PTPRG: variants seen among roughly 807,000 people sequenced by gnomAD.
PTPRG encodes the protein protein tyrosine phosphatase receptor type G, also known as receptor-type tyrosine-protein phosphatase gamma.
In PTPRG, 102 loss-of-function variants were observed where a neutral mutation model predicts 165.3. The observed-to-expected ratio is 0.62, with a 90% CI of 0.53 to 0.73. PTPRG has a LOEUF of 0.73. Among genes scored for constraint, PTPRG ranks in the 30% least tolerant of loss-of-function variants. PTPRG has a pLI of 0.00. For missense variants in PTPRG, 1,866 were observed against 1,861.4 expected (o/e 1.00, Z -0.05); for synonymous variants, 675 against 669.5 (o/e 1.01, Z -0.13).
chr3:61,633,278 C>G (rs1701817854), intron 1 of PTPRG, among the ~76,000 whole-genome samples: 1 of 152,110 alleles, frequency 6.6e-6, no homozygotes, highest in Non-Finnish European at 1.5e-5. Flanking sequence ...ACTGTTTCCC[C>G]CAGCACTTGA....
rs1253562117 is a variant in PTPRG, at chr3:62,273,183, C to A, written c.3318+102C>A. The A allele has an allele frequency of 2.4e-6, 3 of 1,252,426 alleles. No individual in the cohort carries two copies. The highest frequency in any genetic ancestry group is 3.2e-6 in the Non-Finnish European group (3 of 926,426). The allele number at this position is 1,252,426 out of a possible 1,614,324, so 77.6% of individuals were successfully genotyped here. On this transcript the variant is annotated intron_variant, in intron 22 of 29. Transcript: ENST00000474889. The surrounding 1 kb of genome is among the most constrained non-coding windows in gnomAD (Gnocchi z 4.1). Reference sequence around the variant, plus strand: ...GACAGATTCATTCTTTTAGGGCTTGCAGTAATTTACAGGTTTGTATTAGAA... The same window carrying A: ...GACAGATTCATTCTTTTAGGGCTTGAAGTAATTTACAGGTTTGTATTAGAA...
rs143634753 is a variant in PTPRG at position 62,053,050 on chromosome 3, G to A, written c.520-25113G>A. The stretch of plus-strand genomic sequence containing the variant: ...TCTCTTGAATCCATTCGCTTTTCCA[G>A]TTTCAATAGTGTTTGACAAAAGGAA... On this transcript the variant is annotated intron_variant, in intron 4 of 29. Transcript: ENST00000474889. Among the ~76,000 whole-genome samples the A allele has an allele frequency of 6.1e-3, 931 of 151,762 alleles. 8 individuals are homozygous for A. The highest frequency in any genetic ancestry group is 0.021 in the African/African-American group (878 of 41,430).
intron 2 of PTPRG, among the ~76,000 whole-genome samples, chr3:61,831,653 T>G (rs1310709771): frequency 6.6e-6 from 1 of 152,198 alleles, no homozygotes; most frequent in East Asian, 1.9e-4. Context: ...CATTGATGAC[T>G]TAGGAATTTC....
chr3:61,649,115 TCCTC>T (rs368300826), intron 1 of PTPRG, among the ~76,000 whole-genome samples: 266 of 151,532 alleles, frequency 1.8e-3, no homozygotes, highest in Middle Eastern at 6.8e-3. Context: ...TTATTTTACT[TCCTC>T]CCTCCCTCCC....
chr3:62,029,536 T>C (rs1699694385), intron 4 of PTPRG, among the ~76,000 whole-genome samples: 1 of 152,238 alleles, frequency 6.6e-6, no homozygotes. Flanking sequence ...GGGTTATTTA[T>C]TTATTAATTT....
intron 7 of PTPRG, among the ~76,000 whole-genome samples, chr3:62,163,003 C>A (rs1238497163): frequency 6.6e-6 from 1 of 152,146 alleles, no homozygotes; most frequent in African/African-American, 2.4e-5. Flanking sequence ...AACTTACAAT[C>A]ATGGCGGACA....
At chr3:61,727,767 T>A (rs1188202493) in intron 1 of PTPRG, among the ~76,000 whole-genome samples, 1 of 152,236 alleles carries the variant, frequency 6.6e-6, no homozygotes, top group Non-Finnish European at 1.5e-5. Flanking sequence ...CAATGGTATG[T>A]TCTAGGTAAC....
intron 4 of PTPRG, among the ~76,000 whole-genome samples, chr3:62,051,081 A>G (rs1394538279): frequency 1.3e-5 from 2 of 152,202 alleles, no homozygotes; most frequent in African/African-American, 4.8e-5. Flanking sequence ...CTTACAGAGT[A>G]CAGAAAGCCA....
intron 2 of PTPRG, among the ~76,000 whole-genome samples, chr3:61,921,246 T>A (rs2039072216): frequency 6.6e-6 from 1 of 152,148 alleles, no homozygotes; most frequent in Admixed American, 6.5e-5. Context: ...TATTTTAATT[T>A]AATATTTAAG....
chr3:62,289,906 T>A (rs371893116), intron 28 of PTPRG, among the ~76,000 whole-genome samples: 1 of 151,994 alleles, frequency 6.6e-6, no homozygotes, highest in Non-Finnish European at 1.5e-5. Context: ...AAGCAGAAGA[T>A]AGAAGAAGCG....
intron 2 of PTPRG, among the ~76,000 whole-genome samples, chr3:61,941,388 G>T (rs2039623624): frequency 6.6e-6 from 1 of 152,204 alleles, no homozygotes; most frequent in African/African-American, 2.4e-5. Flanking sequence ...GCTTTGGGAG[G>T]CTGAGGCGGG....
At position 61,706,276 on chromosome 3, in the gene PTPRG, A is replaced by G. The variant is rs528530039; in HGVS notation, c.86-42602A>G. 2.0e-5 allele frequency among the ~76,000 whole-genome samples: 3 copies of G among 152,274 alleles called. No homozygotes were observed. The East Asian group carries it at 5.8e-4, about 29-fold the overall frequency. On this transcript the variant is annotated intron_variant, in intron 1 of 29. Transcript: ENST00000474889. Reference sequence around the variant, plus strand: ...GAGCCGTCCCATTGAGTAAGTGCCCAATGTGAGCTGCATCTGCAACTTAAA... The same window carrying G: ...GAGCCGTCCCATTGAGTAAGTGCCCGATGTGAGCTGCATCTGCAACTTAAA...
Position 62,277,019 on chromosome 3 carries a change from A to G in PTPRG, c.3607A>G (p.Thr1203Ala), listed in dbSNP as rs1320392281. Residue 1203 changes from threonine (T) to alanine (A), a missense_variant, in exon 25 of 30, where the codon ACA (threonine) becomes GCA (alanine). By Grantham distance (58) the Thr-to-Ala change is moderately conservative. This residue lies in a region of PTPRG where 1,452 missense variants were observed against 1,463.0 expected (regional missense o/e 0.99). Coordinates refer to ENST00000474889, the MANE Select transcript of PTPRG (RefSeq NM_002841.4). ...GLAPLPGMKG[T>A]DYINASYIMG... ...TGCACCATTGCCTGGAATGAAAGGA[A>G]CAGATTACATTAATGCTTCTTATAT... is the stretch of plus-strand genomic sequence containing the variant. 1.9e-6 allele frequency: 3 copies of G among 1,613,068 alleles called. No homozygotes were observed. Among genetic ancestry groups the G allele is most frequent in the Non-Finnish European group, 8.5e-7 (1 of 1,179,268 alleles).
Position 62,267,717 on chromosome 3 carries a change from C to T in PTPRG, c.2772C>T (p.Thr924=), listed in dbSNP as rs758155993. ...GYNKAKAYIA[T]QGPLKSTFED... is the part of the protein sequence containing the mutation. Reference sequence around the variant, plus strand: ...ACAAAGCAAAAGCCTACATTGCCACCCAAGGACCTTTGAAGTCTACATTTG... The same window carrying T: ...ACAAAGCAAAAGCCTACATTGCCACTCAAGGACCTTTGAAGTCTACATTTG... The change falls in exon 19 of 30, where the codon ACC becomes ACT. Residue 924 remains threonine, a synonymous_variant. Coordinates refer to ENST00000474889, the MANE Select transcript of PTPRG (RefSeq NM_002841.4). 4 of 1,613,324 alleles carry T rather than the reference C, an allele frequency of 2.5e-6. No individual in the cohort carries two copies. The Admixed American group carries it at 6.7e-5, about 27-fold the overall frequency.
chr3:61,897,644 G>A (rs1296862094), intron 2 of PTPRG, among the ~76,000 whole-genome samples: 1 of 152,158 alleles, frequency 6.6e-6, no homozygotes, highest in Non-Finnish European at 1.5e-5. Context: ...AATAGGAATT[G>A]TATTAATAGT....
intron 1 of PTPRG, among the ~76,000 whole-genome samples, chr3:61,647,663 G>C (rs1054277050): frequency 2.0e-5 from 3 of 151,988 alleles, no homozygotes; most frequent in African/African-American, 2.4e-5. Context: ...GTGGTGGCAG[G>C]CACCTGTAGT....
At chr3:61,962,889 T>A (rs934609716) in intron 2 of PTPRG, among the ~76,000 whole-genome samples, 4 of 152,162 alleles carry the variant, frequency 2.6e-5, no homozygotes, top group Admixed American at 2.6e-4. Context: ...GTTTGTTTAG[T>A]CATTTAGTTT....
intron 28 of PTPRG, among the ~76,000 whole-genome samples, chr3:62,287,446 G>A (rs1559767073): frequency 6.6e-6 from 1 of 151,684 alleles, no homozygotes; most frequent in East Asian, 1.9e-4. Context: ...ATGAAATGAA[G>A]AACATTTATT....
chr3:61,804,948 A>G (rs1296374624), intron 2 of PTPRG, among the ~76,000 whole-genome samples: 1 of 152,270 alleles, frequency 6.6e-6, no homozygotes, highest in Non-Finnish European at 1.5e-5. Flanking sequence ...ATAGCACATT[A>G]CAAAGAGTTT....
Sources: gnomAD v4.1 joint callset for allele counts (sites outside exome capture counted in the v4.1 genomes callset) on GRCh38, gnomAD v4.1.1 for gene constraint, gnomAD v4.1.1 regional missense constraint, Gnocchi (gnomAD v3.1) non-coding constraint, MANE v1.5 for transcripts, NCBI Gene and HGNC (gene_info 2026-07-23, HGNC 2026-07-21) for gene names.